Variants in SEMA5A observed in about 807,000 individuals in gnomAD.
The protein encoded by SEMA5A is semaphorin 5A.
In SEMA5A, 55 loss-of-function variants were observed where a neutral mutation model predicts 135.5. The ratio of observed to expected loss-of-function variants is 0.41; its 90% confidence interval spans 0.33 to 0.51. The LOEUF (loss-of-function observed/expected upper bound fraction) is 0.51, where lower values mean the gene tolerates loss of function less well. Ranked by LOEUF, SEMA5A falls within the 20% of genes least tolerant of loss-of-function variation. The pLI is 0.37. For synonymous variants in SEMA5A, 580 were observed against 546.5 expected, an observed-to-expected ratio of 1.06 and a Z score of -0.85; for missense variants, 1,290 against 1,419.9, an observed-to-expected ratio of 0.91 and a Z score of 1.47.
At chr5:9,324,885 C>T (rs1197381577) in intron 4 of SEMA5A, among the ~76,000 whole-genome samples, 3 of 152,238 alleles carry the variant, frequency 2.0e-5, no homozygotes, top group African/African-American at 7.2e-5. Flanking sequence ...CCCTGGCCAA[C>T]TGGAAATGCT....
intron 1 of SEMA5A, among the ~76,000 whole-genome samples, chr5:9,475,488 C>CA (rs1207422048): frequency 1.1e-4 from 16 of 152,110 alleles, no homozygotes; most frequent in African/African-American, 3.9e-4. Flanking sequence ...CAAAGCAGGA[C>CA]AAACACAGAA....
chr5:9,245,598 T>C (rs1317949463), intron 5 of SEMA5A, among the ~76,000 whole-genome samples: 1 of 152,160 alleles, frequency 6.6e-6, no homozygotes, highest in African/African-American at 2.4e-5. Context: ...GCAGTACAAA[T>C]TGAAATGACA....
At chr5:9,466,298 A>G (rs980631354) in intron 1 of SEMA5A, among the ~76,000 whole-genome samples, 35 of 152,042 alleles carry the variant, frequency 2.3e-4, no homozygotes, top group African/African-American at 8.0e-4. Context: ...GCAGCACACC[A>G]ACATGGCACA....
chr5:9,200,972 C>A (rs767049371), intron 9 of SEMA5A, among the ~76,000 whole-genome samples: 7 of 152,210 alleles, frequency 4.6e-5, no homozygotes, highest in Non-Finnish European at 7.3e-5. Context: ...TAATCTCAGG[C>A]AATTCAGGAC....
chr5:9,471,602 T>C (rs1248957184), intron 1 of SEMA5A, among the ~76,000 whole-genome samples: 2 of 152,182 alleles, frequency 1.3e-5, no homozygotes, highest in East Asian at 1.9e-4. Flanking sequence ...ACCCGTCCGA[T>C]TAGAAACTGG....
chr5:9,525,691 G>C (rs1737086595), intron 1 of SEMA5A, among the ~76,000 whole-genome samples: 2 of 152,186 alleles, frequency 1.3e-5, no homozygotes, highest in Non-Finnish European at 2.9e-5. Flanking sequence ...TCCAGGTCCT[G>C]TCCCTGCTAA....
intron 3 of SEMA5A, among the ~76,000 whole-genome samples, chr5:9,368,663 G>A (rs953501721): frequency 1.3e-5 from 2 of 152,076 alleles, no homozygotes; most frequent in Admixed American, 6.6e-5. Context: ...ATATTCTTTT[G>A]TATCTAGACT....
chr5:9,316,427 G>C (rs1019423330), intron 5 of SEMA5A, among the ~76,000 whole-genome samples: 1 of 152,088 alleles, frequency 6.6e-6, no homozygotes, highest in African/African-American at 2.4e-5. Flanking sequence ...TCAGCTGACG[G>C]AGCTAGCAAA....
At chr5:9,161,777 C>G (rs1743270384) in intron 11 of SEMA5A, among the ~76,000 whole-genome samples, 1 of 152,202 alleles carries the variant, frequency 6.6e-6, no homozygotes, top group Non-Finnish European at 1.5e-5. Context: ...CATATTGAAC[C>G]TTGCCCTATT....
chr5:9,227,926 A>G (rs1007509292), intron 6 of SEMA5A, among the ~76,000 whole-genome samples: 20 of 152,202 alleles, frequency 1.3e-4, no homozygotes, highest in African/African-American at 4.8e-4. Flanking sequence ...AACATTTGGG[A>G]CAAAACCCTA....
chr5:9,183,239 T>A (rs1225876280), intron 11 of SEMA5A, among the ~76,000 whole-genome samples: 1 of 152,148 alleles, frequency 6.6e-6, no homozygotes, highest in Non-Finnish European at 1.5e-5. Context: ...TCTGCTTGGC[T>A]ACATGAGAAG....
intron 16 of SEMA5A, among the ~76,000 whole-genome samples, chr5:9,093,650 T>A (rs1401172892): frequency 1.3e-5 from 2 of 151,548 alleles, no homozygotes; most frequent in Non-Finnish European, 2.9e-5. Context: ...GAGCTTGCAG[T>A]GAACTGAGAT....
At chr5:9,371,399 A>C (rs776753545) in intron 3 of SEMA5A, among the ~76,000 whole-genome samples, 6 of 152,212 alleles carry the variant, frequency 3.9e-5, no homozygotes, top group African/African-American at 7.2e-5. Context: ...TAAGTATTAG[A>C]ACCAATTCTC....
intron 3 of SEMA5A, among the ~76,000 whole-genome samples, chr5:9,357,760 G>A (rs1284749506): frequency 6.6e-6 from 1 of 152,146 alleles, no homozygotes; most frequent in African/African-American, 2.4e-5. Context: ...AGAGGAGTGA[G>A]CACTCCAAAG....
chr5:9,311,000 C>A (rs1397872540), intron 5 of SEMA5A, among the ~76,000 whole-genome samples: 1 of 151,790 alleles, frequency 6.6e-6, no homozygotes, highest in Non-Finnish European at 1.5e-5. Flanking sequence ...CATCAAAGAT[C>A]TTATATGTTC....
rs566650452 is a variant in SEMA5A, at chr5:9,420,162, CCA to C, written c.-78+17592_-78+17593del. 4.1e-3 allele frequency among the ~76,000 whole-genome samples: 627 copies of C among 152,174 alleles called. 3 individuals are homozygous for C. Among genetic ancestry groups the C allele is most frequent in the African/African-American group, 0.014 (595 of 41,532 alleles). ...GCCCAGGGGTGCTTCAAAAAATGTA[CCA>C]CAGAGACTGCTAAAACTCATGGAAG... On this transcript the variant is annotated intron_variant, in intron 2 of 22. Coordinates refer to ENST00000382496, the MANE Select transcript of SEMA5A (RefSeq NM_003966.3).
At chr5:9,158,306 C>A (rs1285826076) in intron 11 of SEMA5A, among the ~76,000 whole-genome samples, 2 of 152,042 alleles carry the variant, frequency 1.3e-5, no homozygotes, top group African/African-American at 4.8e-5. Flanking sequence ...CCCAAGATGT[C>A]ATAAACTAAA....
intron 1 of SEMA5A, among the ~76,000 whole-genome samples, chr5:9,441,542 C>T (rs1758233746): frequency 6.6e-6 from 1 of 151,806 alleles, no homozygotes. Context: ...TGCAGGAGTG[C>T]AAACTGAATG....
Position 9,383,914 on chromosome 5 carries a change from A to G in SEMA5A, c.-77-3891T>C, listed in dbSNP as rs146037427. On this transcript the variant is annotated intron_variant, in intron 2 of 22. Transcript: ENST00000382496. ...TTGGGATTTGGAAAGCGACAATTAG[A>G]GAAGAGGGGAAATGACACATATAGA... Among the ~76,000 whole-genome samples, 8 of 152,286 alleles carry G rather than the reference A, an allele frequency of 5.3e-5. No homozygotes were observed. The East Asian group carries it at 1.5e-3, about 29-fold the overall frequency.
Sources: gnomAD v4.1 joint callset for allele counts (sites outside exome capture counted in the v4.1 genomes callset) on GRCh38, gnomAD v4.1.1 for gene constraint, MANE v1.5 for transcripts, NCBI Gene and HGNC (gene_info 2026-07-23, HGNC 2026-07-21) for gene names.